The following GARNL3 variants were observed in gnomAD, a reference collection of about 807,000 sequenced individuals.
GARNL3 encodes the protein GTPase activating Rap/RanGAP domain like 3, also known as GTPase-activating Rap/Ran-GAP domain-like protein 3.
GARNL3 carries 63 observed loss-of-function variants against 125.0 expected under a neutral mutation model. That is an observed-to-expected ratio of 0.50 (90% CI 0.41 to 0.62). GARNL3 has a LOEUF of 0.62. GARNL3 is among the 20% of genes least tolerant of loss of function. The pLI is 0.00. For synonymous variants in GARNL3, 439 were observed against 457.5 expected, an observed-to-expected ratio of 0.96 and a Z score of 0.52; for missense variants, 994 against 1,244.0, an observed-to-expected ratio of 0.80 and a Z score of 3.02.
At chr9:127,314,256 C>T (rs1437660205) in intron 4 of GARNL3, among the ~76,000 whole-genome samples, 1 of 152,144 alleles carries the variant, frequency 6.6e-6, no homozygotes, top group Non-Finnish European at 1.5e-5. Flanking sequence ...TTGCCATAGG[C>T]CTGTGTGTGT....
chr9:127,241,938 T>C lies in GARNL3; in HGVS notation c.-28-1141T>C, dbSNP rs533592464. ...GTGAGCCACTATGCCCGGCCTGGTT[T>C]GTTGTTGTTGTTGTTGTTGTTGTTG... is the stretch of plus-strand genomic sequence containing the variant. On this transcript the variant is annotated intron_variant, in intron 1 of 10. Coordinates refer to the GARNL3 transcript ENST00000439286. Among the ~76,000 whole-genome samples the C allele has an allele frequency of 4.1e-3, 422 of 103,106 alleles. 2 individuals carry two copies. Among genetic ancestry groups the C allele is most frequent in the African/African-American group, 0.023 (402 of 17,570 alleles). 67.6% of individuals were successfully genotyped at this position (103,106 alleles called of 152,430 possible).
chr9:127,356,437 A>G (rs1225716552), intron 20 of GARNL3: 2 of 152,218 alleles, frequency 1.3e-5, no homozygotes, highest in East Asian at 3.9e-4. Context: ...AGACTAGGGT[A>G]CATTAAGGTA....
At chr9:127,229,804 G>A (rs567194550) in intron 1 of GARNL3, among the ~76,000 whole-genome samples, 1 of 152,318 alleles carries the variant, frequency 6.6e-6, no homozygotes, top group South Asian at 2.1e-4. Context: ...CAGTTTAAAT[G>A]ACTCATGTTT....
rs183230310 is a variant in GARNL3, at chr9:127,359,510, C to T, written c.2094+2133C>T. Among the ~76,000 whole-genome samples the T allele has an allele frequency of 2.5e-4, 38 of 152,188 alleles. No individual in the cohort carries two copies. The East Asian group carries it at 6.6e-3, about 26-fold the overall frequency. On this transcript the variant is annotated intron_variant, in intron 21 of 27. Transcript: ENST00000373387. ...TCTCCAAAAAAAAAAAAAGTTCTCA[C>T]CCCCTTCTTCCTTCTCAAAACTGTG...
At position 127,335,237 on chromosome 9, in the gene GARNL3, C is replaced by T; in HGVS notation, c.777C>T (p.Thr259=). The T allele has an allele frequency of 1.2e-6, 2 of 1,610,602 alleles. No homozygotes were observed. Among genetic ancestry groups the T allele is most frequent in the Non-Finnish European group, 1.7e-6 (2 of 1,176,918 alleles). The change falls in exon 10 of 28, where the codon ACC becomes ACT. Residue 259 remains threonine, a synonymous_variant. Coordinates refer to ENST00000373387, the MANE Select transcript of GARNL3 (RefSeq NM_032293.5). Reference sequence around the variant, plus strand: ...CATATTTATATTTTGCAGATGATACCACAGGGATACATTCAGTTTATACTG... The same window carrying T: ...CATATTTATATTTTGCAGATGATACTACAGGGATACATTCAGTTTATACTG... ...YRGGLDTKND[T]TGIHSVYTVY...
chr9:127,225,413 A>C, intron 1 of GARNL3: 1 of 974,324 alleles, frequency 1.0e-6, no homozygotes, highest in Non-Finnish European at 1.2e-6. Flanking sequence ...GGTACTGCGG[A>C]CGGGGAGGGG....
chr9:127,309,742 C>A (rs372183701), intron 2 of GARNL3, among the ~76,000 whole-genome samples: 1 of 151,892 alleles, frequency 6.6e-6, no homozygotes, highest in South Asian at 2.1e-4. Flanking sequence ...AGTTGCCCCC[C>A]AAAAAAAGCT....
intron 2 of GARNL3, among the ~76,000 whole-genome samples, chr9:127,310,254 A>G (rs960278489): frequency 6.6e-6 from 1 of 152,234 alleles, no homozygotes; most frequent in African/African-American, 2.4e-5. Flanking sequence ...CAAAAGCCAT[A>G]AAGGGAAAAA....
intron 27 of GARNL3, among the ~76,000 whole-genome samples, chr9:127,391,700 CAA>C (rs11357196): frequency 7.0e-4 from 54 of 76,866 alleles, no homozygotes; most frequent in East Asian, 1.2e-3. Flanking sequence ...GACCCCGTGT[CAA>C]AAAAAAAAAA....
intron 23 of GARNL3, 118 bp downstream of exon 23, chr9:127,383,663 G>A (rs561534242): frequency 2.5e-5 from 15 of 603,922 alleles, no homozygotes; most frequent in African/African-American, 1.1e-4. Flanking sequence ...AATTATACGC[G>A]TATGATGAAT....
intron 22 of GARNL3, 91 bp from the exon 23 acceptor site, chr9:127,383,347 A>G: frequency 4.1e-6 from 3 of 733,034 alleles, no homozygotes; most frequent in Non-Finnish European, 7.0e-6. Flanking sequence ...CAGATAGGGT[A>G]CTATTCTTGT....
chr9:127,353,457 A>G (rs1830514774), intron 17 of GARNL3: 1 of 188,770 alleles, frequency 5.3e-6, no homozygotes, highest in African/African-American at 2.4e-5. Flanking sequence ...AAAAATGAGA[A>G]AATACTTGAG....
At chr9:127,337,700 C>A (rs894954432) in intron 11 of GARNL3, among the ~76,000 whole-genome samples, 10 of 152,220 alleles carry the variant, frequency 6.6e-5, no homozygotes, top group Non-Finnish European at 1.3e-4. Flanking sequence ...GGAAGGTATA[C>A]AGCGGAAACA....
At chr9:127,320,656 C>T in intron 5 of GARNL3, 59 bp from the exon 6 acceptor site, 1 of 1,214,732 alleles carries the variant, frequency 8.2e-7, no homozygotes, top group South Asian at 1.3e-5. Context: ...CTGTGATTTT[C>T]TAGAAGCTCC....
At position 127,235,110 on chromosome 9, in the gene GARNL3, G is replaced by T. The variant is rs115549516; in HGVS notation, c.-28-7969G>T. Among the ~76,000 whole-genome samples, 466 of 152,100 alleles carry T rather than the reference G, an allele frequency of 3.1e-3. 5 individuals are homozygous for T. Among genetic ancestry groups the T allele is most frequent in the African/African-American group, 0.011 (443 of 41,484 alleles). ...TGAAGAGAAATAAGCAGCTTCTGGCGATAGCCAGGGTACAGAATTGCATAT... is the reference window on the plus strand; with the variant it reads ...TGAAGAGAAATAAGCAGCTTCTGGCTATAGCCAGGGTACAGAATTGCATAT... On this transcript the variant is annotated intron_variant, in intron 1 of 10. Transcript: ENST00000439286.
intron 22 of GARNL3, among the ~76,000 whole-genome samples, chr9:127,382,518 A>G (rs1008870212): frequency 2.0e-5 from 3 of 152,026 alleles, no homozygotes; most frequent in African/African-American, 7.3e-5. Context: ...GATTTAAAGT[A>G]GGAGGCTCAC....
rs1037512298 is a variant in GARNL3, at chr9:127,344,316, G to A, written c.1333G>A (p.Ala445Thr). 4 of 1,613,860 alleles carry A rather than the reference G, an allele frequency of 2.5e-6. No individual in the cohort carries two copies. The highest frequency in any genetic ancestry group is 1.3e-5 in the African/African-American group (1 of 75,034). Residue 445 changes from alanine to threonine, a missense_variant, in exon 15 of 28, where the codon GCG becomes ACG. This residue lies in a region of GARNL3 where 728 missense variants were observed against 865.7 expected (regional missense o/e 0.84). Transcript: ENST00000373387. ...GCGGAAGAAAGAGGAGGCCCGCCAG[G>A]CGGAGTTTGTTAGAATAGGGCAGGT... ...SARKKEEARQAEFVRIGQALK... is the reference protein window; with the variant it reads ...SARKKEEARQTEFVRIGQALK...
intron 17 of GARNL3, among the ~76,000 whole-genome samples, chr9:127,352,903 A>G (rs1199659984): frequency 6.6e-6 from 1 of 152,232 alleles, no homozygotes; most frequent in Admixed American, 6.5e-5. Flanking sequence ...AAATGCAGGT[A>G]AAGAATGAGC....
At chr9:127,387,142 G>A (rs867882032) in intron 24 of GARNL3, 51 bp from the exon 25 acceptor site, 3 of 1,573,772 alleles carry the variant, frequency 1.9e-6, no homozygotes, top group Middle Eastern at 1.8e-4. Context: ...GCCAGTGGAT[G>A]CAAGGCCTAG....
Sources: allele counts gnomAD v4.1 joint callset (sites outside exome capture counted in the v4.1 genomes callset), GRCh38; gene constraint gnomAD v4.1.1; regional missense constraint gnomAD v4.1.1; transcripts MANE v1.5; gene names NCBI Gene and HGNC (gene_info 2026-07-23, HGNC 2026-07-21).